The following MPC2 variants were observed in gnomAD, a reference collection of about 807,000 sequenced individuals.
MPC2 encodes the protein brain protein 44.
MPC2 carries 19 observed loss-of-function variants against 19.2 expected under a neutral mutation model. That is an observed-to-expected ratio of 0.99 (90% confidence interval 0.69 to 1.45). MPC2 has a LOEUF of 1.45. Among genes scored for constraint, MPC2 ranks in the 40% most tolerant of loss-of-function variants. The probability of loss-of-function intolerance (pLI) is 0.00; values close to 1 mark genes in which losing one functional copy is unlikely to be tolerated. For synonymous variants in MPC2, 61 were observed against 54.3 expected, an observed-to-expected ratio of 1.12 and a Z score of -0.54; for missense variants, 122 against 153.0, an observed-to-expected ratio of 0.80 and a Z score of 1.07.
At chr1:167,936,712 T>A in intron 1 of MPC2, 1 of 581,914 alleles carries the variant, frequency 1.7e-6, no homozygotes. Flanking sequence ...AGAAGGAGAG[T>A]ATGAGGCGAG....
At position 167,925,442 on chromosome 1, in the gene MPC2, C is replaced by T. The variant is rs1287774791; in HGVS notation, c.110-905G>A. 1.8e-3 allele frequency among the ~76,000 whole-genome samples: 146 copies of T among 82,466 alleles called. 1 individual carries two copies. Among genetic ancestry groups the T allele is most frequent in the East Asian group, 7.0e-3 (23 of 3,282 alleles). 54.1% of individuals were successfully genotyped at this position (82,466 alleles called of 152,430 possible). A position where few individuals can be genotyped will look rare whatever the true frequency, so the allele number is the denominator to read the frequency against. On this transcript the variant is annotated intron_variant, in intron 2 of 5. Coordinates refer to ENST00000271373, the MANE Select transcript of MPC2 (RefSeq NM_001143674.4). Reference sequence around the variant, plus strand: ...TATAATATACAGATATACATATACACATATATATATATATATATATATATA... The same window carrying T: ...TATAATATACAGATATACATATACATATATATATATATATATATATATATA...
chr1:167,924,305 G>C (rs566636195), intron 3 of MPC2, 192 bp downstream of exon 3: 1 of 423,234 alleles, frequency 2.4e-6, no homozygotes, highest in East Asian at 3.8e-5. Context: ...CTTATCTAAA[G>C]AGTTCAGAAA....
At chr1:167,923,638 C>T (rs1398615381) in intron 3 of MPC2, among the ~76,000 whole-genome samples, 1 of 151,606 alleles carries the variant, frequency 6.6e-6, no homozygotes, top group South Asian at 2.1e-4. Flanking sequence ...GTACTTAACG[C>T]TACTGAACTG....
chr1:167,921,532 C>T (rs981776858), intron 3 of MPC2, among the ~76,000 whole-genome samples: 4 of 152,022 alleles, frequency 2.6e-5, no homozygotes, highest in Admixed American at 1.3e-4. Flanking sequence ...TTGGCTGTTA[C>T]GCCATTTTTC....
At chr1:167,934,802 C>T (rs1203265630) in intron 2 of MPC2, among the ~76,000 whole-genome samples, 4 of 152,172 alleles carry the variant, frequency 2.6e-5, no homozygotes, top group African/African-American at 9.7e-5. Flanking sequence ...AAGTCTTAGG[C>T]TTGAAACAGA....
At chr1:167,919,180 A>G (rs895119509) in intron 5 of MPC2, among the ~76,000 whole-genome samples, 1 of 152,224 alleles carries the variant, frequency 6.6e-6, no homozygotes, top group Admixed American at 6.5e-5. Context: ...CAGGCAGGCT[A>G]TTGGGTTAAC....
intron 2 of MPC2, among the ~76,000 whole-genome samples, chr1:167,932,424 T>A (rs1670936665): frequency 6.6e-6 from 1 of 152,174 alleles, no homozygotes. Flanking sequence ...GTGCACCCCT[T>A]GGGATGACTT....
At chr1:167,935,662 G>C in intron 2 of MPC2, 71 bp downstream of exon 2, 1 of 1,281,978 alleles carries the variant, frequency 7.8e-7, no homozygotes, top group South Asian at 1.3e-5. Context: ...TTGTCAGAGG[G>C]CCTCTAAAAG....
At chr1:167,925,298 T>C (rs1670705556) in intron 2 of MPC2, among the ~76,000 whole-genome samples, 1 of 151,708 alleles carries the variant, frequency 6.6e-6, no homozygotes, top group Non-Finnish European at 1.5e-5. Context: ...ATACTATTCA[T>C]ACTTGTACCC....
chr1:167,925,052 T>C (rs12756673), intron 2 of MPC2, among the ~76,000 whole-genome samples: 3,757 of 152,288 alleles, frequency 0.025, 59 homozygotes, highest in Middle Eastern at 0.051. Flanking sequence ...CACCAGATAG[T>C]GCAAACTACT....
At chr1:167,935,638 G>C (rs1414339890) in intron 2 of MPC2, 95 bp downstream of exon 2, 1 of 960,542 alleles carries the variant, frequency 1.0e-6, no homozygotes. Context: ...GGCTGTGGAT[G>C]CCTCTAGAGG....
At chr1:167,932,808 C>CAAAAAAAAAAA (rs965449372) in intron 2 of MPC2, among the ~76,000 whole-genome samples, 5 of 54,866 alleles carry the variant, frequency 9.1e-5, no homozygotes, top group African/African-American at 1.7e-4. Flanking sequence ...GACTCTGTCT[C>CAAAAAAAAAAA]AAAAAAAAAA....
intron 2 of MPC2, among the ~76,000 whole-genome samples, chr1:167,928,517 G>A (rs900614961): frequency 1.3e-5 from 2 of 152,072 alleles, no homozygotes; most frequent in African/African-American, 4.8e-5. Flanking sequence ...CCAGAAAACA[G>A]CAATTGATCA....
At position 167,917,927 on chromosome 1, in the gene MPC2, A is replaced by G. The variant is rs1483235751; in HGVS notation, c.*396T>C. On this transcript the variant is annotated 3_prime_UTR_variant, in exon 6 of 6. Transcript: ENST00000271373. ...CCACTACCCATTTCTCAGTCTCTTC[A>G]GCAAAATTTCCTTTCACTTATAGCT... is the stretch of plus-strand genomic sequence containing the variant. 1.3e-5 allele frequency: 2 copies of G among 157,094 alleles called. No homozygotes were observed. The highest frequency in any genetic ancestry group is 4.8e-5 in the African/African-American group (2 of 41,658). 9.7% of individuals were successfully genotyped at this position (157,094 alleles called of 1,614,324 possible). A position where few individuals can be genotyped will look rare whatever the true frequency, so the allele number is the denominator to read the frequency against.
At chr1:167,936,805 G>C in intron 1 of MPC2, 134 bp downstream of exon 1, 1 of 1,031,966 alleles carries the variant, frequency 9.7e-7, no homozygotes, top group Non-Finnish European at 1.4e-6. Context: ...TGGAGGCCCG[G>C]CGCGCGGATG....
chr1:167,932,129 A>G (rs1232545538), intron 2 of MPC2, among the ~76,000 whole-genome samples: 5 of 152,208 alleles, frequency 3.3e-5, no homozygotes, highest in Non-Finnish European at 7.3e-5. Context: ...GATATGGTTC[A>G]GATAGCTGTT....
intron 2 of MPC2, among the ~76,000 whole-genome samples, chr1:167,934,270 T>TA (rs1670995953): frequency 6.6e-6 from 1 of 152,170 alleles, no homozygotes; most frequent in African/African-American, 2.4e-5. Context: ...TTAAGTAGTT[T>TA]AAAATTACTC....
intron 2 of MPC2, among the ~76,000 whole-genome samples, chr1:167,929,597 TA>T (rs1670851881): frequency 6.6e-6 from 1 of 152,224 alleles, no homozygotes; most frequent in South Asian, 2.1e-4. Flanking sequence ...TCAATGAACC[TA>T]TTAATAAACT....
At chr1:167,919,695 G>A (rs964501904) in intron 5 of MPC2, among the ~76,000 whole-genome samples, 4 of 152,072 alleles carry the variant, frequency 2.6e-5, no homozygotes, top group Admixed American at 1.3e-4. Flanking sequence ...CCATCTAAAT[G>A]ATGCACAGTT....
Sources: allele counts gnomAD v4.1 joint callset (sites outside exome capture counted in the v4.1 genomes callset), GRCh38; gene constraint gnomAD v4.1.1; transcripts MANE v1.5; gene names NCBI Gene and HGNC (gene_info 2026-07-23, HGNC 2026-07-21).